ITGB4: variants seen among roughly 807,000 people sequenced by gnomAD.
The protein encoded by ITGB4 is integrin subunit beta 4, also known as integrin beta-4.
Under a neutral mutation model 207.6 loss-of-function variants are expected in ITGB4, and 159 were observed. That is an observed-to-expected ratio of 0.77 (90% confidence interval 0.67 to 0.87). The LOEUF (loss-of-function observed/expected upper bound fraction) is 0.87. Ranked by LOEUF, ITGB4 falls within the 40% of genes least tolerant of loss-of-function variation. ITGB4 has a pLI of 0.00. For missense variants in ITGB4, 2,278 were observed against 2,546.8 expected (o/e 0.89, Z 2.27); for synonymous variants, 1,020 against 1,062.7 (o/e 0.96, Z 0.78).
At position 75,737,460 on chromosome 17, in the gene ITGB4, C is replaced by G; in HGVS notation, c.2113+16C>G. ...AAGAAGAAGGGTGAGCTGGTGGGGCCGGGCGCAGGGAGGGGGCGTGTGGCC... is the reference window on the plus strand; with the variant it reads ...AAGAAGAAGGGTGAGCTGGTGGGGCGGGGCGCAGGGAGGGGGCGTGTGGCC... On this transcript the variant is annotated intron_variant, in intron 17 of 39. Coordinates refer to ENST00000200181, the MANE Select transcript of ITGB4 (RefSeq NM_000213.5). The G allele has an allele frequency of 3.2e-6, 5 of 1,552,348 alleles. No homozygotes were observed. The highest frequency in any genetic ancestry group is 1.8e-4 in the Middle Eastern group (1 of 5,648).
rs768451507 is a variant in ITGB4 at position 75,739,874 on chromosome 17, C to T, written c.2255-6C>T. 1.2e-6 allele frequency: 2 copies of T among 1,613,510 alleles called. No homozygotes were observed. Among genetic ancestry groups the T allele is most frequent in the Non-Finnish European group, 8.5e-7 (1 of 1,179,926 alleles). On this transcript the variant is annotated splice_polypyrimidine_tract_variant and splice_region_variant and intron_variant, in intron 19 of 39. Transcript: ENST00000200181. The surrounding 1 kb of genome is among the most constrained non-coding windows in gnomAD (Gnocchi z 5.4). Reference sequence around the variant, plus strand: ...GGGGTGCCGTGCTGAGGACCCCATCCTGCAGGTCACATGGTGGGCTTTAAG... The same window carrying T: ...GGGGTGCCGTGCTGAGGACCCCATCTTGCAGGTCACATGGTGGGCTTTAAG...
chr17:75,731,851 G>T lies in ITGB4; in HGVS notation c.1255G>T (p.Asp419Tyr), dbSNP rs760512292. ...GCAGCTGCGGGCCCTTGAGCACGTG[G>T]ATGGGACGCACGTGTGCCAGCTGCC... ...QVQLRALEHV[D>Y]GTHVCQLPED... The change falls in exon 11 of 40, where the codon GAT (aspartate) becomes TAT (tyrosine). Residue 419 changes from aspartate to tyrosine, a missense_variant. By Grantham distance (160) the Asp-to-Tyr change is radical. Coordinates refer to ENST00000200181, the MANE Select transcript of ITGB4 (RefSeq NM_000213.5). The surrounding 1 kb of genome is among the most constrained non-coding windows in gnomAD (Gnocchi z 6.8). 1.9e-6 allele frequency: 3 copies of T among 1,612,282 alleles called. No homozygotes were observed. Among genetic ancestry groups the T allele is most frequent in the Non-Finnish European group, 2.5e-6 (3 of 1,179,302 alleles).
chr17:75,741,851 A>T (rs1298853323), intron 23 of ITGB4, among the ~76,000 whole-genome samples: 2 of 151,256 alleles, frequency 1.3e-5, no homozygotes, highest in African/African-American at 4.9e-5. Flanking sequence ...TTATCCTGCT[A>T]CGGGCCAAGC....
chr17:75,728,381 G>A lies in ITGB4; in HGVS notation c.474G>A (p.Arg158=), dbSNP rs1424623328. 6.2e-7 allele frequency: 1 copy of A among 1,613,842 alleles called. No individual in the cohort carries two copies. Among genetic ancestry groups the A allele is most frequent in the Admixed American group, 1.7e-5 (1 of 59,984 alleles). Residue 158 remains arginine, a synonymous_variant, in exon 6 of 40, where the codon CGG becomes CGA. Coordinates refer to ENST00000200181, the MANE Select transcript of ITGB4 (RefSeq NM_000213.5). Reference sequence around the variant, plus strand: ...CTCTGTCCTTTTGACATCCAGCTCGGGTCCTGAGCCAGCTCACCAGCGACT... The same window carrying A: ...CTCTGTCCTTTTGACATCCAGCTCGAGTCCTGAGCCAGCTCACCAGCGACT... The part of the protein sequence containing the change: ...NLKKMGQNLA[R]VLSQLTSDYT...
rs115576452 is a variant in ITGB4 at position 75,753,517 on chromosome 17, G to T, written c.4109-248G>T. ...CCCCAGGTTTCTGGCGGGTCCGGGG[G>T]TCTCTCCTCCCCAGCTGTGCCGAGG... On this transcript the variant is annotated intron_variant, in intron 32 of 39. Coordinates refer to ENST00000200181, the MANE Select transcript of ITGB4 (RefSeq NM_000213.5). Among the ~76,000 whole-genome samples the T allele has an allele frequency of 0.016, 2,370 of 152,258 alleles. 66 individuals are homozygous for T. Among genetic ancestry groups the T allele is most frequent in the African/African-American group, 0.054 (2,230 of 41,538 alleles).
At chr17:75,754,896 T>C in intron 34 of ITGB4, 81 bp downstream of exon 34, 2 of 1,593,678 alleles carry the variant, frequency 1.3e-6, no homozygotes, top group Non-Finnish European at 1.7e-6. Flanking sequence ...TTCTGTCTGC[T>C]GTCCCCACCG....
At chr17:75,741,971 A>C (rs2061121735) in intron 23 of ITGB4, among the ~76,000 whole-genome samples, 1 of 152,250 alleles carries the variant, frequency 6.6e-6, no homozygotes, top group Non-Finnish European at 1.5e-5. Context: ...GCTGAGGCTC[A>C]AAAGGGTTAA....
chr17:75,727,645 C>T lies in ITGB4; in HGVS notation c.265-6C>T, dbSNP rs777144015. On this transcript the variant is annotated splice_polypyrimidine_tract_variant and splice_region_variant and intron_variant, in intron 4 of 39. Coordinates refer to ENST00000200181, the MANE Select transcript of ITGB4 (RefSeq NM_000213.5). This position sits in a 1 kb window ranked among gnomAD's most constrained non-coding sequence, Gnocchi z 6.0. ...CTAGCCAGCTGTCCCCTTCCACTGG[C>T]TGCAGGAGACCCAGATTGACACCAC... The T allele has an allele frequency of 6.2e-7, 1 of 1,600,866 alleles. No homozygotes were observed. The highest frequency in any genetic ancestry group is 8.5e-7 in the Non-Finnish European group (1 of 1,174,280).
At position 75,733,562 on chromosome 17, in the gene ITGB4, C is replaced by T. The variant is rs749371774; in HGVS notation, c.1527C>T (p.Asp509=). The T allele has an allele frequency of 6.2e-7, 1 of 1,613,990 alleles. No individual in the cohort carries two copies. The highest frequency in any genetic ancestry group is 8.5e-7 in the Non-Finnish European group (1 of 1,180,028). The stretch of plus-strand genomic sequence containing the variant: ...AGCCCTGCCTGCGGGAGGGCGAGGA[C>T]AAGCCGTGCTCCGGCCGTGGGGAGT... ...DIQPCLREGE[D]KPCSGRGECQ... is the part of the protein sequence containing the mutation. The change falls in exon 13 of 40, where the codon GAC becomes GAT. Residue 509 remains aspartate (D), a synonymous_variant. Coordinates refer to ENST00000200181, the MANE Select transcript of ITGB4 (RefSeq NM_000213.5).
intron 35 of ITGB4, 85 bp downstream of exon 35, chr17:75,755,935 C>A: frequency 6.7e-7 from 1 of 1,494,674 alleles, no homozygotes; most frequent in Non-Finnish European, 9.0e-7. Context: ...TCAGCTGTGT[C>A]AGGAACCCAC....
chr17:75,730,812 A>G, intron 8 of ITGB4, 63 bp from the exon 9 acceptor site: 1 of 1,424,114 alleles, frequency 7.0e-7, no homozygotes, highest in Non-Finnish European at 9.8e-7. Flanking sequence ...AAGTGGGAAG[A>G]ATCCTAGAGC....
intron 30 of ITGB4, chr17:75,751,763 T>C: frequency 4.0e-6 from 1 of 249,350 alleles, no homozygotes; most frequent in Non-Finnish European, 8.0e-6. Context: ...TAAAAAGGAT[T>C]ATTTTATACA....
At chr17:75,723,388 G>A (rs1366879489) in intron 1 of ITGB4, among the ~76,000 whole-genome samples, 1 of 152,190 alleles carries the variant, frequency 6.6e-6, no homozygotes, top group African/African-American at 2.4e-5. Context: ...CTCCAGGCCT[G>A]TACCTGCCTG....
Position 75,752,439 on chromosome 17 carries a change from C to T in ITGB4, c.3977-7C>T. The T allele has an allele frequency of 6.2e-7, 1 of 1,613,198 alleles. No individual in the cohort carries two copies. Among genetic ancestry groups the T allele is most frequent in the Non-Finnish European group, 8.5e-7 (1 of 1,179,934 alleles). On this transcript the variant is annotated splice_polypyrimidine_tract_variant and splice_region_variant and intron_variant, in intron 31 of 39. Transcript: ENST00000200181. ...CCAGGGCCCTGGCTCACTCCCCTGCCCTGCAGTCCCCATCATCCCTGACAT... is the reference window on the plus strand; with the variant it reads ...CCAGGGCCCTGGCTCACTCCCCTGCTCTGCAGTCCCCATCATCCCTGACAT...
rs749606058 is a variant in ITGB4 at position 75,740,401 on chromosome 17, G to A, written c.2490G>A (p.Glu830=). The A allele has an allele frequency of 6.2e-7, 1 of 1,613,902 alleles. No homozygotes were observed. The highest frequency in any genetic ancestry group is 1.1e-5 in the South Asian group (1 of 91,072). Residue 830 remains glutamate (E), a synonymous_variant, in exon 21 of 40, where the codon GAG becomes GAA. Coordinates refer to ENST00000200181, the MANE Select transcript of ITGB4 (RefSeq NM_000213.5). This position sits in a 1 kb window ranked among gnomAD's most constrained non-coding sequence, Gnocchi z 5.9. The part of the protein sequence containing the change: ...LSLRLARLCT[E]NLLKPDTREC... ...TGCGCCTGGCCCGCCTTTGCACCGA[G>A]AACCTGCTGAAGCCTGACACTCGGG...
Position 75,729,123 on chromosome 17 carries a change from C to G in ITGB4, c.567-142C>G, listed in dbSNP as rs1360860728. The G allele has an allele frequency of 5.5e-6, 4 of 730,536 alleles. No individual in the cohort carries two copies. The East Asian group carries it at 8.3e-5, about 15-fold the overall frequency. 45.3% of individuals were successfully genotyped at this position (730,536 alleles called of 1,614,324 possible). A position where few individuals can be genotyped will look rare whatever the true frequency, so the allele number is the denominator to read the frequency against. ...CAGTGAGCCAAGATCGTGCATACCG[C>G]ACACCAGCCTGGGTGATAAAGCGAG... On this transcript the variant is annotated intron_variant, in intron 6 of 39. Transcript: ENST00000200181. This position sits in a 1 kb window ranked among gnomAD's most constrained non-coding sequence, Gnocchi z 4.4.
In ITGB4 at chr17:75,751,084, T is replaced by C; in HGVS notation, c.3766T>C (p.Cys1256Arg). The C allele has an allele frequency of 1.2e-5, 20 of 1,613,866 alleles. No individual in the cohort carries two copies. Among genetic ancestry groups the C allele is most frequent in the Non-Finnish European group, 1.7e-5 (20 of 1,180,036 alleles). ...TNGEITAYEVCYGLVNDDNRP... is the reference protein window; with the variant it reads ...TNGEITAYEVRYGLVNDDNRP... ...CGGTGAGATCACAGCCTACGAGGTC[T>C]GCTATGGCCTGGTCAACGATGACAA... is the stretch of plus-strand genomic sequence containing the variant. The change falls in exon 30 of 40, where the codon TGC (cysteine) becomes CGC (arginine). Residue 1256 changes from cysteine (C) to arginine (R), a missense_variant. Cys to Arg is a radical substitution (Grantham distance 180, BLOSUM62 -3). Coordinates refer to ENST00000200181, the MANE Select transcript of ITGB4 (RefSeq NM_000213.5).
intron 16 of ITGB4, 122 bp from the exon 17 acceptor site, chr17:75,737,200 T>C (rs1599253350): frequency 7.8e-7 from 1 of 1,280,652 alleles, no homozygotes; most frequent in African/African-American, 1.5e-5. Context: ...CTTCCACTCT[T>C]CCCCAGGAGG....
Position 75,753,776 on chromosome 17 carries a change from A to G in ITGB4, c.4120A>G (p.Lys1374Glu), listed in dbSNP as rs780138064. ...SVSDDTGCGW[K>E]FEPLLGEELD... is the part of the protein sequence containing the mutation. ...TCGTTGTTCCCAAGGCTGCGGCTGG[A>G]AGTTCGAGCCCCTGCTGGGGGAGGA... Residue 1374 changes from lysine to glutamate, a missense_variant, in exon 33 of 40, where the codon AAG becomes GAG. Coordinates refer to ENST00000200181, the MANE Select transcript of ITGB4 (RefSeq NM_000213.5). 3.7e-5 allele frequency: 53 copies of G among 1,448,248 alleles called. No individual in the cohort carries two copies. Among genetic ancestry groups the G allele is most frequent in the Non-Finnish European group, 4.5e-5 (49 of 1,100,666 alleles). The allele number at this position is 1,448,248 out of a possible 1,614,324, so 89.7% of individuals were successfully genotyped here.
Sources: gnomAD v4.1 joint callset for allele counts (sites outside exome capture counted in the v4.1 genomes callset) on GRCh38, gnomAD v4.1.1 for gene constraint, Gnocchi (gnomAD v3.1) non-coding constraint, MANE v1.5 for transcripts, NCBI Gene and HGNC (gene_info 2026-07-23, HGNC 2026-07-21) for gene names.